The following ZNF66 variants were observed in gnomAD, a reference collection of about 807,000 sequenced individuals.
ZNF66 encodes putative zinc finger protein 66.
Under a neutral mutation model 35.2 loss-of-function variants are expected in ZNF66, and 32 were observed. The observed-to-expected ratio is 0.91, with a 90% CI of 0.69 to 1.22. ZNF66 has a LOEUF of 1.22. Among genes scored for constraint, ZNF66 ranks in the 50% most tolerant of loss-of-function variants. The pLI, the probability that ZNF66 is intolerant of heterozygous loss-of-function variation, is 0.00. For synonymous variants in ZNF66, 231 were observed against 181.3 expected (o/e 1.27, Z -2.20); for missense variants, 666 against 543.1 (o/e 1.23, Z -2.25).
rs111353394 is a variant in ZNF66, at chr19:20,808,530, T to C, written c.*1208T>C. Reference sequence around the variant, plus strand: ...AGGACCGATCAGGCAGCAGCATTTGTGGTTCATGAAAATCCGCTGTTCTAC... The same window carrying C: ...AGGACCGATCAGGCAGCAGCATTTGCGGTTCATGAAAATCCGCTGTTCTAC... On this transcript the variant is annotated 3_prime_UTR_variant, in exon 4 of 4. Transcript: ENST00000344519. Among the ~76,000 whole-genome samples, 14,104 of 152,042 alleles carry C rather than the reference T, an allele frequency of 0.093. 673 individuals carry two copies. The highest frequency in any genetic ancestry group is 0.11 in the Middle Eastern group (32 of 292).
intron 1 of ZNF66, among the ~76,000 whole-genome samples, chr19:20,785,676 G>A (rs1971280492): frequency 6.6e-6 from 1 of 152,048 alleles, no homozygotes; most frequent in Non-Finnish European, 1.5e-5. Flanking sequence ...TTCTTTCTCT[G>A]GGGCTGAAGA....
intron 1 of ZNF66, among the ~76,000 whole-genome samples, chr19:20,777,779 C>T (rs1198840299): frequency 2.6e-5 from 4 of 152,010 alleles, no homozygotes; most frequent in African/African-American, 9.7e-5. Context: ...GCAAGCGCCA[C>T]CACTCCCAGC....
chr19:20,805,051 T>G (rs1276906220), intron 3 of ZNF66, among the ~76,000 whole-genome samples: 3 of 152,094 alleles, frequency 2.0e-5, no homozygotes, highest in African/African-American at 7.2e-5. Flanking sequence ...AATTAAGATG[T>G]ATGTGCCAAT....
rs565233370 is a variant in ZNF66 at position 20,807,562 on chromosome 19, A to G, written c.*240A>G. On this transcript the variant is annotated 3_prime_UTR_variant, in exon 4 of 4. Coordinates refer to ENST00000344519, the MANE Select transcript of ZNF66 (RefSeq NM_001355197.2). ...ACCTGTGAAGAATGTGGCATAGCCT[A>G]TAACAATTTTCAATCAATTCTTTTT... Among the ~76,000 whole-genome samples the G allele has an allele frequency of 2.6e-5, 4 of 151,538 alleles. No individual in the cohort carries two copies. The highest frequency in any genetic ancestry group is 2.1e-4 in the South Asian group (1 of 4,808).
intron 3 of ZNF66, among the ~76,000 whole-genome samples, chr19:20,804,996 A>T (rs991125662): frequency 6.6e-6 from 1 of 152,102 alleles, no homozygotes; most frequent in African/African-American, 2.4e-5. Flanking sequence ...ATTTTATGTC[A>T]TGGGAGACAT....
At chr19:20,782,189 C>T (rs1971251305) in intron 1 of ZNF66, among the ~76,000 whole-genome samples, 1 of 152,192 alleles carries the variant, frequency 6.6e-6, no homozygotes, top group Non-Finnish European at 1.5e-5. Context: ...AGGCAGTTCA[C>T]CTGCCTTGGC....
At chr19:20,788,436 T>C (rs1014598835) in intron 1 of ZNF66, among the ~76,000 whole-genome samples, 1 of 151,996 alleles carries the variant, frequency 6.6e-6, no homozygotes, top group Non-Finnish European at 1.5e-5. Context: ...TGAGACGGAG[T>C]CTGTGTCACC....
Position 20,809,585 on chromosome 19 carries a change from T to G in ZNF66, c.*2263T>G, listed in dbSNP as rs555571194. ...ATTTCATATCCAGCCAAACTAAGCTTCATAAGTGAAGGAGAAATAAAATAC... is the reference window on the plus strand; with the variant it reads ...ATTTCATATCCAGCCAAACTAAGCTGCATAAGTGAAGGAGAAATAAAATAC... On this transcript the variant is annotated 3_prime_UTR_variant, in exon 4 of 4. Transcript: ENST00000344519. Among the ~76,000 whole-genome samples, 296 of 151,612 alleles carry G rather than the reference T, an allele frequency of 2.0e-3. 2 individuals are homozygous for G. Among genetic ancestry groups the G allele is most frequent in the African/African-American group, 6.5e-3 (268 of 41,358 alleles).
In ZNF66 at chr19:20,807,428, A is replaced by T. The variant is rs144222614; in HGVS notation, c.*106A>T. ...TTAACCAGCTATCAACTTTTACTAA[A>T]TATGAGAATTTATGGAACACAAACA... On this transcript the variant is annotated 3_prime_UTR_variant, in exon 4 of 4. Coordinates refer to ENST00000344519, the MANE Select transcript of ZNF66 (RefSeq NM_001355197.2). 1.5e-3 allele frequency: 841 copies of T among 552,594 alleles called. 3 individuals are homozygous for T. The highest frequency in any genetic ancestry group is 0.013 in the African/African-American group (708 of 53,018). The allele number at this position is 552,594 out of a possible 1,614,324, so 34.2% of individuals were successfully genotyped here. A position where few individuals can be genotyped will look rare whatever the true frequency, so the allele number is the denominator to read the frequency against.
chr19:20,794,978 T>C (rs1013251846), intron 3 of ZNF66, among the ~76,000 whole-genome samples: 4 of 147,142 alleles, frequency 2.7e-5, no homozygotes, highest in African/African-American at 1.1e-4. Flanking sequence ...CTCAAGTGGC[T>C]CTCCTGCCTC....
In ZNF66 at chr19:20,809,340, A is replaced by T. The variant is rs895070304; in HGVS notation, c.*2018A>T. 1.2e-4 allele frequency among the ~76,000 whole-genome samples: 18 copies of T among 151,952 alleles called. No homozygotes were observed. The highest frequency in any genetic ancestry group is 4.4e-4 in the African/African-American group (18 of 41,356). On this transcript the variant is annotated 3_prime_UTR_variant, in exon 4 of 4. Coordinates refer to ENST00000344519, the MANE Select transcript of ZNF66 (RefSeq NM_001355197.2). ...AGGAAATACAGAGAACGCCACAAAG[A>T]TACTCCTTGAGAAGAGCAACTCCAA...
chr19:20,782,907 C>A (rs1308011163), intron 1 of ZNF66, among the ~76,000 whole-genome samples: 17 of 152,042 alleles, frequency 1.1e-4, no homozygotes, highest in Non-Finnish European at 4.4e-5. Context: ...TTGGTAGCTT[C>A]ATCATGAAGT....
At chr19:20,803,334 A>T (rs769536841) in intron 3 of ZNF66, among the ~76,000 whole-genome samples, 1 of 147,366 alleles carries the variant, frequency 6.8e-6, no homozygotes, top group African/African-American at 2.5e-5. Context: ...CTTTGTATTG[A>T]CATGCTTTCA....
chr19:20,793,321 TCTTTTC>T (rs1188023504), intron 2 of ZNF66, among the ~76,000 whole-genome samples: 44 of 80,836 alleles, frequency 5.4e-4, no homozygotes, highest in East Asian at 1.7e-3. Flanking sequence ...TCTTTTCTTT[TCTTTTC>T]TTTTCTTTTT....
rs181129410 is a variant in ZNF66 at position 20,808,799 on chromosome 19, C to T, written c.*1477C>T. Among the ~76,000 whole-genome samples the T allele has an allele frequency of 3.8e-4, 57 of 149,304 alleles. No individual in the cohort carries two copies. The highest frequency in any genetic ancestry group is 1.1e-3 in the African/African-American group (44 of 40,812). On this transcript the variant is annotated 3_prime_UTR_variant, in exon 4 of 4. Coordinates refer to ENST00000344519, the MANE Select transcript of ZNF66 (RefSeq NM_001355197.2). ...TAAAAAGCAGAGCACCTCTCCTCCTCCAAAGGAACACAGTTCCCCACCAGC... is the reference window on the plus strand; with the variant it reads ...TAAAAAGCAGAGCACCTCTCCTCCTTCAAAGGAACACAGTTCCCCACCAGC...
chr19:20,776,508 C>T (rs1034103297), intron 1 of ZNF66, 58 bp downstream of exon 1: 12 of 1,497,888 alleles, frequency 8.0e-6, no homozygotes, highest in East Asian at 2.3e-5. Flanking sequence ...GGGACTCAGG[C>T]CTCCCCTCAG....
In ZNF66 at chr19:20,808,695, T is replaced by A. The variant is rs201377984; in HGVS notation, c.*1373T>A. Among the ~76,000 whole-genome samples, 1,589 of 152,064 alleles carry A rather than the reference T, an allele frequency of 0.01. 56 individuals are homozygous for A. Among genetic ancestry groups the A allele is most frequent in the Admixed American group, 0.067 (1,016 of 15,256 alleles). On this transcript the variant is annotated 3_prime_UTR_variant, in exon 4 of 4. Coordinates refer to ENST00000344519, the MANE Select transcript of ZNF66 (RefSeq NM_001355197.2). ...GACATCCACACCAAAAACCCATCTG[T>A]ACATCACCATCATCAAAGACCAAAA...
chr19:20,805,126 T>A (rs11085387), intron 3 of ZNF66, among the ~76,000 whole-genome samples: 52,739 of 145,748 alleles, frequency 0.36, 9,867 homozygotes, highest in East Asian at 0.44. Context: ...TGTGTGTGTG[T>A]GAGAGAGAGA....
Position 20,776,316 on chromosome 19 carries a change from A to C in ZNF66, c.-132A>C. 7.1e-7 allele frequency: 1 copy of C among 1,399,340 alleles called. No homozygotes were observed. The highest frequency in any genetic ancestry group is 1.2e-5 in the South Asian group (1 of 86,358). 86.7% of individuals were successfully genotyped at this position (1,399,340 alleles called of 1,614,324 possible). On this transcript the variant is annotated 5_prime_UTR_variant, in exon 1 of 4. Coordinates refer to ENST00000344519, the MANE Select transcript of ZNF66 (RefSeq NM_001355197.2). ...TGGCGGGGTCTTTGTCTCTCCCTGCAGCTGGAGCTCCAGGTCGTCTGTTCA... is the reference window on the plus strand; with the variant it reads ...TGGCGGGGTCTTTGTCTCTCCCTGCCGCTGGAGCTCCAGGTCGTCTGTTCA...
Sources: allele counts gnomAD v4.1 joint callset (sites outside exome capture counted in the v4.1 genomes callset), GRCh38; gene constraint gnomAD v4.1.1; transcripts MANE v1.5; gene names NCBI Gene and HGNC (gene_info 2026-07-23, HGNC 2026-07-21).